Variants in NIPBL observed in about 807,000 individuals in gnomAD.
NIPBL encodes the protein nipped-B-like protein.
A neutral mutation model predicts 321.8 loss-of-function variants in NIPBL; 19 were observed. The ratio of observed to expected loss-of-function variants is 0.06; its 90% CI spans 0.04 to 0.09. NIPBL has a LOEUF of 0.09. Ranked by LOEUF, NIPBL falls within the 10% of genes least tolerant of loss-of-function variation. The pLI is 1.00. For missense variants in NIPBL, 2,210 were observed against 3,327.0 expected, an observed-to-expected ratio of 0.66 and a Z score of 8.26; for synonymous variants, 1,106 against 1,114.1, an observed-to-expected ratio of 0.99 and a Z score of 0.14.
intron 1 of NIPBL, among the ~76,000 whole-genome samples, chr5:36,916,863 G>A (rs1472844775): frequency 6.6e-6 from 1 of 152,118 alleles, no homozygotes; most frequent in African/African-American, 2.4e-5. Context: ...GTATTCCATG[G>A]TGTATATGTG....
intron 40 of NIPBL, 85 bp downstream of exon 40, chr5:37,049,386 G>A: frequency 7.2e-7 from 1 of 1,393,396 alleles, no homozygotes; most frequent in South Asian, 1.2e-5. Context: ...AGAATAAGTA[G>A]TTCTTCGTTC....
chr5:36,925,395 A>G (rs1451682297), intron 1 of NIPBL, among the ~76,000 whole-genome samples: 1 of 151,362 alleles, frequency 6.6e-6, no homozygotes, highest in African/African-American at 2.4e-5. Context: ...TTGCCTCCTG[A>G]GTAGCTGGGA....
rs766167477 is a variant in NIPBL at position 36,885,897 on chromosome 5, G to T, written c.-80+8719G>T. ...CTACAAGCCCAGCTCACCAGCTCTGGGTTGACCGTGAAGGTAGATGCTCCC... is the reference window on the plus strand; with the variant it reads ...CTACAAGCCCAGCTCACCAGCTCTGTGTTGACCGTGAAGGTAGATGCTCCC... On this transcript the variant is annotated intron_variant, in intron 1 of 46. Transcript: ENST00000282516. The T allele has an allele frequency of 3.8e-4, 278 of 735,578 alleles. 1 individual carries two copies. Among genetic ancestry groups the T allele is most frequent in the Non-Finnish European group, 7.0e-5 (28 of 400,428 alleles). The allele number at this position is 735,578 out of a possible 1,614,324, so 45.6% of individuals were successfully genotyped here.
intron 1 of NIPBL, among the ~76,000 whole-genome samples, chr5:36,952,053 T>TGTGTGTGTGTGTGTGTGTGCGCGCGC (rs778597604): frequency 1.8e-5 from 2 of 112,212 alleles, no homozygotes; most frequent in East Asian, 3.5e-4. Context: ...TGTGTGTGTG[T>TGTGTGTGTGTGTGTGTGTGCGCGCGC]GCGCGCGCGC....
intron 1 of NIPBL, among the ~76,000 whole-genome samples, chr5:36,952,053 T>TGTGTGTGTGTGCGTGCGCGC (rs778597604): frequency 1.8e-5 from 2 of 112,114 alleles, no homozygotes; most frequent in Non-Finnish European, 3.7e-5. Context: ...TGTGTGTGTG[T>TGTGTGTGTGTGCGTGCGCGC]GCGCGCGCGC....
chr5:36,897,825 C>T (rs1746875283), intron 1 of NIPBL, among the ~76,000 whole-genome samples: 1 of 142,562 alleles, frequency 7.0e-6, no homozygotes, highest in Admixed American at 7.4e-5. Context: ...TTTCTGAAGT[C>T]TTTACTCCAC....
chr5:36,915,044 T>G (rs538058539), intron 1 of NIPBL, among the ~76,000 whole-genome samples: 1 of 152,230 alleles, frequency 6.6e-6, no homozygotes, highest in South Asian at 2.1e-4. Flanking sequence ...TAGATAGTGT[T>G]TTCAGAATGA....
chr5:36,976,625 G>C (rs1020880407), intron 9 of NIPBL, among the ~76,000 whole-genome samples: 1 of 151,920 alleles, frequency 6.6e-6, no homozygotes, highest in African/African-American at 2.4e-5. Context: ...TCTACTACAG[G>C]TCTGTTACTC....
intron 1 of NIPBL, among the ~76,000 whole-genome samples, chr5:36,951,072 T>A (rs1247624333): frequency 6.6e-6 from 1 of 152,190 alleles, no homozygotes; most frequent in Non-Finnish European, 1.5e-5. Context: ...TTAAAGCACT[T>A]TAAACCAAGT....
At chr5:37,045,787 G>A (rs146243490) in intron 37 of NIPBL, among the ~76,000 whole-genome samples, 190 bp downstream of exon 37, 1 of 152,150 alleles carries the variant, frequency 6.6e-6, no homozygotes. Flanking sequence ...TGTTACTGGT[G>A]TGTAACCAGA....
At chr5:36,958,027 G>C in intron 3 of NIPBL, 77 bp from the exon 4 acceptor site, 1 of 1,418,510 alleles carries the variant, frequency 7.0e-7, no homozygotes, top group Non-Finnish European at 9.9e-7. Flanking sequence ...ATACCAGTGT[G>C]ATTTACTTTT....
intron 1 of NIPBL, among the ~76,000 whole-genome samples, chr5:36,884,159 TA>T (rs1324668481): frequency 4.6e-5 from 7 of 152,274 alleles, no homozygotes; most frequent in Admixed American, 1.3e-4. Context: ...TCCCTTTTTT[TA>T]TGTATCTCTT....
chr5:36,975,353 G>A (rs551574820), intron 8 of NIPBL, among the ~76,000 whole-genome samples: 128 of 152,190 alleles, frequency 8.4e-4, no homozygotes, highest in Non-Finnish European at 1.6e-3. Context: ...TAACAAAAGC[G>A]TACTTATTCT....
intron 4 of NIPBL, among the ~76,000 whole-genome samples, chr5:36,960,590 T>C (rs1247722643): frequency 1.3e-5 from 2 of 152,132 alleles, no homozygotes; most frequent in Admixed American, 6.5e-5. Flanking sequence ...TCTTAGCAAA[T>C]CAACTTCTGT....
intron 1 of NIPBL, among the ~76,000 whole-genome samples, chr5:36,905,310 G>T: frequency 6.6e-6 from 1 of 152,158 alleles, no homozygotes; most frequent in East Asian, 1.9e-4. Flanking sequence ...TTCTGTGTTG[G>T]TTCTGACGCA....
Position 36,996,367 on chromosome 5 carries a change from T to G in NIPBL, c.3304+563T>G. On this transcript the variant is annotated intron_variant, in intron 11 of 46. Coordinates refer to ENST00000282516, the MANE Select transcript of NIPBL (RefSeq NM_133433.4). The surrounding 1 kb of genome is among the most constrained non-coding windows in gnomAD (Gnocchi z 5.0). Reference sequence around the variant, plus strand: ...TTAAAACCATACTATCACTAAATTATGAATGGATTAGCCACATTGCAGATT... The same window carrying G: ...TTAAAACCATACTATCACTAAATTAGGAATGGATTAGCCACATTGCAGATT... The G allele has an allele frequency of 2.2e-6, 1 of 455,688 alleles. No homozygotes were observed. Among genetic ancestry groups the G allele is most frequent in the Non-Finnish European group, 4.4e-6 (1 of 226,518 alleles). 28.2% of individuals were successfully genotyped at this position (455,688 alleles called of 1,614,324 possible). A position where few individuals can be genotyped will look rare whatever the true frequency, so the allele number is the denominator to read the frequency against.
At chr5:37,046,685 A>G (rs1377499774) in intron 38 of NIPBL, among the ~76,000 whole-genome samples, 2 of 152,222 alleles carry the variant, frequency 1.3e-5, no homozygotes, top group African/African-American at 4.8e-5. Context: ...AACAATTTGG[A>G]TATATACCTG....
At chr5:37,052,678 T>A in intron 42 of NIPBL, 112 bp downstream of exon 42, 1 of 809,544 alleles carries the variant, frequency 1.2e-6, no homozygotes, top group Non-Finnish European at 2.0e-6. Context: ...GTAACTTCAT[T>A]AAGTGTTTTC....
At chr5:37,016,912 G>C (rs1031759706) in intron 23 of NIPBL, 107 bp from the exon 24 acceptor site, 5 of 863,864 alleles carry the variant, frequency 5.8e-6, no homozygotes, top group Non-Finnish European at 8.5e-6. Context: ...AAAAAAAAAA[G>C]TTTAAATTTT....
Sources: allele counts gnomAD v4.1 joint callset (sites outside exome capture counted in the v4.1 genomes callset), GRCh38; gene constraint gnomAD v4.1.1; non-coding constraint Gnocchi (gnomAD v3.1); transcripts MANE v1.5; gene names NCBI Gene and HGNC (gene_info 2026-07-23, HGNC 2026-07-21).